ZNF10: variants seen among roughly 807,000 people sequenced by gnomAD.
ZNF10 encodes the protein zinc finger protein 10 (KOX 1).
ZNF10 carries 8 observed loss-of-function variants against 12.2 expected under a neutral mutation model. The observed-to-expected ratio is 0.66, with a 90% CI of 0.39 to 1.18. The LOEUF is 1.18. Among genes scored for constraint, ZNF10 ranks in the 50% most tolerant of loss-of-function variants. The pLI, the probability that ZNF10 is intolerant of heterozygous loss-of-function variation, is 0.01. For synonymous variants in ZNF10, 229 were observed against 228.2 expected (o/e 1.00, Z -0.03); for missense variants, 603 against 678.9 (o/e 0.89, Z 1.24).
intron 4 of ZNF10, 121 bp from the exon 5 acceptor site, chr12:133,155,382 A>G (rs1267274459): frequency 9.3e-7 from 1 of 1,069,840 alleles, no homozygotes; most frequent in Non-Finnish European, 1.3e-6. Flanking sequence ...TCTCTATCAA[A>G]GTTATAAAGC....
intron 1 of ZNF10, among the ~76,000 whole-genome samples, chr12:133,133,878 G>A (rs536037752): frequency 6.6e-6 from 1 of 152,244 alleles, no homozygotes; most frequent in African/African-American, 2.4e-5. Flanking sequence ...CAGCACCTGG[G>A]AATATTTTAC....
rs775101115 is a variant in ZNF10 at position 133,156,877 on chromosome 12, T to G, written c.1631T>G (p.Phe544Cys). Residue 544 changes from phenylalanine (F) to cysteine (C), a missense_variant, in exon 5 of 5, where the codon TTC (phenylalanine) becomes TGC (cysteine). Physicochemically the swap from Phe to Cys is radical, Grantham distance 205. Coordinates refer to ENST00000248211, the MANE Select transcript of ZNF10 (RefSeq NM_015394.5). The part of the protein sequence containing the change: ...VHQIAHTGEQ[F>C]LTCNQCGTAL... ...CAAATAGCTCACACTGGAGAGCAGT[T>G]CTTAACATGCAATCAATGTGGGACA... 1.3e-6 allele frequency: 2 copies of G among 1,519,434 alleles called. No homozygotes were observed. Among genetic ancestry groups the G allele is most frequent in the South Asian group, 2.7e-5 (2 of 74,436 alleles). The allele number at this position is 1,519,434 out of a possible 1,614,324, so 94.1% of individuals were successfully genotyped here. A position where few individuals can be genotyped will look rare whatever the true frequency, so the allele number is the denominator to read the frequency against.
chr12:133,136,101 C>T (rs1351609911), intron 1 of ZNF10, among the ~76,000 whole-genome samples: 3 of 152,170 alleles, frequency 2.0e-5, no homozygotes, highest in African/African-American at 7.2e-5. Flanking sequence ...TCCCACCTAT[C>T]CTGACTTCCA....
chr12:133,156,677 T>C lies in ZNF10; in HGVS notation c.1431T>C (p.Ile477=). 4 of 1,614,160 alleles carry C rather than the reference T, an allele frequency of 2.5e-6. No homozygotes were observed. Among genetic ancestry groups the C allele is most frequent in the Non-Finnish European group, 3.4e-6 (4 of 1,180,016 alleles). Residue 477 remains isoleucine, a synonymous_variant, in exon 5 of 5, where the codon ATT becomes ATC. Coordinates refer to ENST00000248211, the MANE Select transcript of ZNF10 (RefSeq NM_015394.5). Reference sequence around the variant, plus strand: ...CTTTCAGCCAGAGTTCTGCCCTTATTGTGCATCAGAGGATACACACTGGAG... The same window carrying C: ...CTTTCAGCCAGAGTTCTGCCCTTATCGTGCATCAGAGGATACACACTGGAG... The part of the protein sequence containing the change: ...GKSFSQSSAL[I]VHQRIHTGEK...
intron 1 of ZNF10, among the ~76,000 whole-genome samples, chr12:133,137,649 A>G (rs1177382478): frequency 1.3e-5 from 2 of 152,096 alleles, no homozygotes; most frequent in African/African-American, 4.8e-5. Context: ...TCTACTGTAA[A>G]TGTGTGTTTT....
At chr12:133,142,479 G>C (rs1250470692) in intron 1 of ZNF10, among the ~76,000 whole-genome samples, 3 of 148,940 alleles carry the variant, frequency 2.0e-5, no homozygotes, top group Non-Finnish European at 1.5e-5. Flanking sequence ...TTAATATCTA[G>C]AATATACAAA....
intron 2 of ZNF10, among the ~76,000 whole-genome samples, chr12:133,148,936 G>A (rs535698831): frequency 2.6e-5 from 4 of 151,806 alleles, no homozygotes; most frequent in African/African-American, 9.7e-5. Context: ...ATTTTTAGTA[G>A]AGACAGGGTT....
At chr12:133,140,078 C>T (rs1955935346) in intron 1 of ZNF10, among the ~76,000 whole-genome samples, 1 of 151,532 alleles carries the variant, frequency 6.6e-6, no homozygotes, top group African/African-American at 2.4e-5. Flanking sequence ...TGGTATGTGC[C>T]TTTGGTCCCA....
At chr12:133,135,762 A>G (rs535920752) in intron 1 of ZNF10, among the ~76,000 whole-genome samples, 1 of 152,206 alleles carries the variant, frequency 6.6e-6, no homozygotes, top group African/African-American at 2.4e-5. Context: ...CATTTCTCAC[A>G]TGAGGCATTC....
chr12:133,155,626 A>G lies in ZNF10; in HGVS notation c.380A>G (p.Glu127Gly). 6.2e-7 allele frequency: 1 copy of G among 1,614,094 alleles called. No individual in the cohort carries two copies. The highest frequency in any genetic ancestry group is 8.5e-7 in the Non-Finnish European group (1 of 1,179,996). ...AATGATCTCTGGTATTTGTCATTAG[A>G]AGAAGTCTGGAAATGTAGAGACCAG... ...ARNDLWYLSL[E>G]EVWKCRDQLD... is the part of the protein sequence containing the mutation. The change falls in exon 5 of 5, where the codon GAA becomes GGA. Residue 127 changes from glutamate (E) to glycine (G), a missense_variant. By Grantham distance (98) the Glu-to-Gly change is moderately conservative. Around this residue, in one of 3 missense-constraint regions of ZNF10, gnomAD observed 393 missense variants for 399.7 expected, o/e 0.98. Coordinates refer to ENST00000248211, the MANE Select transcript of ZNF10 (RefSeq NM_015394.5).
In ZNF10 at chr12:133,156,122, C is replaced by T; in HGVS notation, c.876C>T (p.Pro292=). The T allele has an allele frequency of 1.2e-6, 2 of 1,613,484 alleles. No homozygotes were observed. Among genetic ancestry groups the T allele is most frequent in the South Asian group, 1.1e-5 (1 of 91,064 alleles). ...RHQLIHTGEK[P]YECKECGKSF... Reference sequence around the variant, plus strand: ...AGCTTATTCATACTGGAGAAAAACCCTATGAGTGTAAAGAATGTGGAAAGT... The same window carrying T: ...AGCTTATTCATACTGGAGAAAAACCTTATGAGTGTAAAGAATGTGGAAAGT... The change falls in exon 5 of 5, where the codon CCC becomes CCT. Residue 292 remains proline (P), a synonymous_variant. Transcript: ENST00000248211.
chr12:133,132,579 C>T (rs1258318238), intron 1 of ZNF10, among the ~76,000 whole-genome samples: 1 of 145,010 alleles, frequency 6.9e-6, no homozygotes, highest in Non-Finnish European at 1.6e-5. Flanking sequence ...GTTGTGCCTA[C>T]AAGAGACTCT....
chr12:133,146,498 C>T (rs1015080904), intron 2 of ZNF10, among the ~76,000 whole-genome samples: 6 of 152,088 alleles, frequency 3.9e-5, no homozygotes, highest in African/African-American at 1.4e-4. Context: ...TTTGGATTTA[C>T]AGTTCTGTGA....
At chr12:133,148,915 G>T (rs568693561) in intron 2 of ZNF10, among the ~76,000 whole-genome samples, 1 of 151,950 alleles carries the variant, frequency 6.6e-6, no homozygotes, top group East Asian at 1.9e-4. Flanking sequence ...ACCACACCTG[G>T]CTAATTTTGT....
intron 2 of ZNF10, among the ~76,000 whole-genome samples, chr12:133,146,225 G>C (rs983583954): frequency 1.3e-5 from 2 of 152,202 alleles, no homozygotes; most frequent in African/African-American, 4.8e-5. Flanking sequence ...GTTCCCATCT[G>C]TCAAGGTACC....
In ZNF10 at chr12:133,157,943, T is replaced by G. The variant is rs1404438881; in HGVS notation, c.*975T>G. 6.6e-6 allele frequency: 1 copy of G among 152,206 alleles called. No homozygotes were observed. 9.4% of individuals were successfully genotyped at this position (152,206 alleles called of 1,614,324 possible). A position where few individuals can be genotyped will look rare whatever the true frequency, so the allele number is the denominator to read the frequency against. On this transcript the variant is annotated 3_prime_UTR_variant, in exon 5 of 5. Transcript: ENST00000248211. ...AGTGGGAACAAGTATTTAAACAATATTTAGAGCAAGTGTCCTCATGTGATA... is the reference window on the plus strand; with the variant it reads ...AGTGGGAACAAGTATTTAAACAATAGTTAGAGCAAGTGTCCTCATGTGATA...
At chr12:133,138,864 T>C (rs750660273) in intron 1 of ZNF10, among the ~76,000 whole-genome samples, 2 of 152,196 alleles carry the variant, frequency 1.3e-5, no homozygotes, top group East Asian at 1.9e-4. Context: ...AAAGGAACCG[T>C]CTGGGTTCGT....
At chr12:133,153,077 A>G (rs1199265348) in intron 4 of ZNF10, among the ~76,000 whole-genome samples, 1 of 151,104 alleles carries the variant, frequency 6.6e-6, no homozygotes, top group Non-Finnish European at 1.5e-5. Context: ...TTTCTTTTCT[A>G]TTTTGTTCAT....
intron 1 of ZNF10, among the ~76,000 whole-genome samples, chr12:133,140,393 A>G (rs1955938272): frequency 6.6e-6 from 1 of 151,220 alleles, no homozygotes; most frequent in African/African-American, 2.4e-5. Context: ...AAAAAAAGAA[A>G]AGAAAGACAC....
Sources: gnomAD v4.1 joint callset for allele counts (sites outside exome capture counted in the v4.1 genomes callset) on GRCh38, gnomAD v4.1.1 for gene constraint, gnomAD v4.1.1 regional missense constraint, MANE v1.5 for transcripts, NCBI Gene and HGNC (gene_info 2026-07-23, HGNC 2026-07-21) for gene names.